Variants in GALNTL6 observed in about 807,000 individuals in gnomAD.
The protein encoded by GALNTL6 is polypeptide N-acetylgalactosaminyltransferase like 6, also known as polypeptide N-acetylgalactosaminyltransferase-like 6.
In GALNTL6, 46 loss-of-function variants were observed where a neutral mutation model predicts 73.7. The observed-to-expected ratio is 0.62, with a 90% CI of 0.49 to 0.80. GALNTL6 has a LOEUF of 0.80. Among genes scored for constraint, GALNTL6 ranks in the 30% least tolerant of loss-of-function variants. The probability of loss-of-function intolerance (pLI) is 0.00; values close to 1 mark genes in which losing one functional copy is unlikely to be tolerated. For synonymous variants in GALNTL6, 259 were observed against 263.7 expected (o/e 0.98, Z 0.17); for missense variants, 604 against 755.0 (o/e 0.80, Z 2.34).
At chr4:172,174,513 A>G (rs929964599) in intron 2 of GALNTL6, among the ~76,000 whole-genome samples, 7 of 152,224 alleles carry the variant, frequency 4.6e-5, no homozygotes, top group Non-Finnish European at 1.0e-4. Flanking sequence ...TGTGAAATTT[A>G]GAATAACATA....
chr4:172,373,878 A>G (rs1366438230), intron 5 of GALNTL6, among the ~76,000 whole-genome samples: 2 of 152,176 alleles, frequency 1.3e-5, no homozygotes, highest in Non-Finnish European at 2.9e-5. Context: ...CGACCAGGAC[A>G]GGAGATTAAC....
intron 5 of GALNTL6, among the ~76,000 whole-genome samples, chr4:172,629,413 T>C (rs576686686): frequency 1.3e-5 from 2 of 152,192 alleles, no homozygotes; most frequent in African/African-American, 4.8e-5. Context: ...AGAATCGGAA[T>C]TGAATTTTGG....
chr4:172,689,859 G>A (rs1039949101), intron 5 of GALNTL6, among the ~76,000 whole-genome samples: 9 of 152,080 alleles, frequency 5.9e-5, no homozygotes, highest in Non-Finnish European at 1.0e-4. Context: ...AAAATTAGAT[G>A]ATAATGTAAC....
intron 5 of GALNTL6, among the ~76,000 whole-genome samples, chr4:172,785,587 A>G (rs573487196): frequency 1.3e-5 from 2 of 152,268 alleles, no homozygotes; most frequent in African/African-American, 4.8e-5. Flanking sequence ...CCTAGCAGAG[A>G]AAGAGAATAA....
intron 4 of GALNTL6, among the ~76,000 whole-genome samples, chr4:172,325,780 A>G (rs1740920285): frequency 6.6e-6 from 1 of 151,904 alleles, no homozygotes; most frequent in Admixed American, 6.6e-5. Context: ...TTAAAATCAC[A>G]ATGGATTCAT....
chr4:172,044,331 G>A (rs1014535825), intron 2 of GALNTL6, among the ~76,000 whole-genome samples: 1 of 151,784 alleles, frequency 6.6e-6, no homozygotes, highest in African/African-American at 2.4e-5. Flanking sequence ...TTGCCATTAC[G>A]AATGCCCTTA....
chr4:173,005,570 C>A (rs1317023681), intron 10 of GALNTL6, among the ~76,000 whole-genome samples: 1 of 152,098 alleles, frequency 6.6e-6, no homozygotes, highest in Non-Finnish European at 1.5e-5. Flanking sequence ...GTATTAGAAT[C>A]AGTTCTATTA....
chr4:172,462,893 C>G (rs1248338681), intron 5 of GALNTL6, among the ~76,000 whole-genome samples: 1 of 152,088 alleles, frequency 6.6e-6, no homozygotes, highest in Non-Finnish European at 1.5e-5. Context: ...AAACAAGCAC[C>G]TTAAACAAGA....
At chr4:172,863,899 A>G (rs1744524573) in intron 7 of GALNTL6, among the ~76,000 whole-genome samples, 1 of 152,202 alleles carries the variant, frequency 6.6e-6, no homozygotes. Context: ...CATGTGTCAT[A>G]GGAGGGACCC....
intron 5 of GALNTL6, among the ~76,000 whole-genome samples, chr4:172,733,439 C>T (rs1376870391): frequency 6.6e-6 from 1 of 152,108 alleles, no homozygotes; most frequent in African/African-American, 2.4e-5. Context: ...GAAATCTCGT[C>T]TTGAATTGTA....
chr4:172,435,828 T>A (rs958260172), intron 5 of GALNTL6, among the ~76,000 whole-genome samples: 6 of 152,112 alleles, frequency 3.9e-5, no homozygotes, highest in African/African-American at 1.2e-4. Flanking sequence ...ATAAGAATAG[T>A]ATGAGCCTTT....
intron 3 of GALNTL6, among the ~76,000 whole-genome samples, chr4:172,302,027 A>G (rs1305497955): frequency 6.6e-6 from 1 of 152,146 alleles, no homozygotes; most frequent in Non-Finnish European, 1.5e-5. Flanking sequence ...CCAGTTCAAG[A>G]TTCCCAGCCG....
intron 10 of GALNTL6, among the ~76,000 whole-genome samples, chr4:172,988,655 G>A (rs1751401892): frequency 6.6e-6 from 1 of 152,246 alleles, no homozygotes; most frequent in Admixed American, 6.5e-5. Context: ...CAGGCCTGGA[G>A]GCCTAGGAGG....
chr4:172,264,253 T>C (rs1487771843), intron 3 of GALNTL6, among the ~76,000 whole-genome samples: 2 of 151,288 alleles, frequency 1.3e-5, no homozygotes, highest in East Asian at 3.9e-4. Flanking sequence ...TCACTCTATA[T>C]GGGTCTTAAC....
chr4:172,168,100 C>T (rs900867225), intron 2 of GALNTL6, among the ~76,000 whole-genome samples: 2 of 152,226 alleles, frequency 1.3e-5, no homozygotes, highest in African/African-American at 4.8e-5. Context: ...ACTCTATTAG[C>T]AACGGTCTGG....
At chr4:171,945,153 T>G (rs928134367) in intron 2 of GALNTL6, among the ~76,000 whole-genome samples, 5 of 152,030 alleles carry the variant, frequency 3.3e-5, no homozygotes, top group Non-Finnish European at 5.9e-5. Context: ...AAACATAAAA[T>G]TTCCCCTTTA....
chr4:172,663,940 A>AAAAAAAAAAAAG (rs1553969283), intron 5 of GALNTL6, among the ~76,000 whole-genome samples: 1 of 147,128 alleles, frequency 6.8e-6, no homozygotes, highest in Non-Finnish European at 1.5e-5. Context: ...AAAAAAAAAA[A>AAAAAAAAAAAAG]AAAGAAAGAA....
At chr4:172,257,034 A>G (rs1347369537) in intron 3 of GALNTL6, among the ~76,000 whole-genome samples, 1 of 151,380 alleles carries the variant, frequency 6.6e-6, no homozygotes, top group Non-Finnish European at 1.5e-5. Flanking sequence ...AAATGACGTC[A>G]GCATAATGCA....
chr4:172,767,076 A>G (rs1430694140), intron 5 of GALNTL6, among the ~76,000 whole-genome samples: 12 of 152,232 alleles, frequency 7.9e-5, no homozygotes, highest in East Asian at 1.9e-4. Context: ...CTTGAAAAAC[A>G]GTTAATAAAT....
Sources: gnomAD v4.1 joint callset for allele counts (sites outside exome capture counted in the v4.1 genomes callset) on GRCh38, gnomAD v4.1.1 for gene constraint, MANE v1.5 for transcripts, NCBI Gene and HGNC (gene_info 2026-07-23, HGNC 2026-07-21) for gene names.